Variants in NLRP12 observed in about 807,000 individuals in gnomAD.
NLRP12 encodes the protein NACHT, LRR and PYD domains-containing protein 12.
Under a neutral mutation model 91.2 loss-of-function variants are expected in NLRP12, and 108 were observed. That is an observed-to-expected ratio of 1.18 (90% CI 1.01 to 1.39). The LOEUF is 1.39. Among genes scored for constraint, NLRP12 ranks in the 40% most tolerant of loss-of-function variants. The pLI, the probability that NLRP12 is intolerant of heterozygous loss-of-function variation, is 0.00. For synonymous variants in NLRP12, 613 were observed against 566.7 expected, an observed-to-expected ratio of 1.08 and a Z score of -1.16; for missense variants, 1,530 against 1,352.7, an observed-to-expected ratio of 1.13 and a Z score of -2.06.
intron 5 of NLRP12, among the ~76,000 whole-genome samples, chr19:53,804,521 C>T (rs529281668): frequency 7.3e-5 from 11 of 150,398 alleles, no homozygotes; most frequent in African/African-American, 2.4e-4. Flanking sequence ...ACCTCAGTCT[C>T]GAGTAGCTGG....
At position 53,814,773 on chromosome 19, in the gene NLRP12, G is replaced by A. The variant is rs559156627; in HGVS notation, c.370+135C>T. 3.2e-5 allele frequency: 24 copies of A among 759,448 alleles called. No individual in the cohort carries two copies. The African/African-American group carries it at 3.6e-4, about 11-fold the overall frequency. The allele number at this position is 759,448 out of a possible 1,614,324, so 47.0% of individuals were successfully genotyped here. A position where few individuals can be genotyped will look rare whatever the true frequency, so the allele number is the denominator to read the frequency against. On this transcript the variant is annotated intron_variant, in intron 2 of 9. Coordinates refer to ENST00000324134, the MANE Select transcript of NLRP12 (RefSeq NM_144687.4). ...AAGGTTGATGAGTTGAAACACAGGA[G>A]GAAACTGCCCCTTTGATGGTGTCAT... is the stretch of plus-strand genomic sequence containing the variant.
intron 1 of NLRP12, among the ~76,000 whole-genome samples, chr19:53,818,949 G>A (rs769103389): frequency 2.7e-4 from 41 of 152,024 alleles, no homozygotes; most frequent in Non-Finnish European, 4.4e-4. Context: ...GAGGCCCAGG[G>A]GCATATCGAT....
intron 6 of NLRP12, 70 bp downstream of exon 6, chr19:53,803,882 C>A (rs2091912675): frequency 6.7e-7 from 1 of 1,499,536 alleles, no homozygotes; most frequent in Non-Finnish European, 9.3e-7. Context: ...CCTGTGGATG[C>A]ATTTTTATAC....
intron 4 of NLRP12, among the ~76,000 whole-genome samples, chr19:53,807,049 G>T (rs12972495): frequency 0.17 from 25,409 of 151,384 alleles, 3,000 homozygotes; most frequent in African/African-American, 0.34. Flanking sequence ...GATTTATGTG[G>T]TGAAGCCACC....
At chr19:53,795,105 TGCGTGTGTGTG>T (rs2091728285) in intron 9 of NLRP12, among the ~76,000 whole-genome samples, 2 of 65,928 alleles carry the variant, frequency 3.0e-5, no homozygotes, top group Admixed American at 2.6e-4. Context: ...ACCTGGTGTG[TGCGTGTGTGTG>T]TGTGTGTGTG....
intron 4 of NLRP12, among the ~76,000 whole-genome samples, chr19:53,806,681 A>C (rs1275731314): frequency 3.1e-4 from 1 of 3,182 alleles, no homozygotes; most frequent in Non-Finnish European, 9.0e-4. Context: ...CTCCGTCTCA[A>C]AAAAAAAAAA....
chr19:53,808,035 C>A lies in NLRP12; in HGVS notation c.2073-370G>T, dbSNP rs537218637. 2.3e-3 allele frequency: 833 copies of A among 356,326 alleles called. 14 individuals carry two copies. The highest frequency in any genetic ancestry group is 0.017 in the South Asian group (800 of 46,160). The allele number at this position is 356,326 out of a possible 1,614,324, so 22.1% of individuals were successfully genotyped here. On this transcript the variant is annotated intron_variant, in intron 3 of 9. Transcript: ENST00000324134. ...GAAGTGCTGGGATTACAGGCGTGAG[C>A]CACCACATCCGGCCAAAGCATGCTA... is the stretch of plus-strand genomic sequence containing the variant.
At chr19:53,815,559 T>C (rs2092145761) in intron 1 of NLRP12, among the ~76,000 whole-genome samples, 2 of 150,968 alleles carry the variant, frequency 1.3e-5, no homozygotes, top group African/African-American at 4.9e-5. Context: ...AAGTTCTGAG[T>C]CAGTCTGGAC....
rs139513302 is a variant in NLRP12, at chr19:53,811,116, C to T, written c.543G>A (p.Arg181=). The T allele has an allele frequency of 1.3e-5, 21 of 1,614,074 alleles. No individual in the cohort carries two copies. The South Asian group carries it at 2.3e-4, about 18-fold the overall frequency. Residue 181 remains arginine (R), a synonymous_variant, in exon 3 of 10, where the codon CGG becomes CGA. Transcript: ENST00000324134. ...GGTGTCCCACGGTCCTCGCGTGTCCCCGGCCTGTGTCCAGAAGCTGCTGCT... is the reference window on the plus strand; with the variant it reads ...GGTGTCCCACGGTCCTCGCGTGTCCTCGGCCTGTGTCCAGAAGCTGCTGCT... ...QVQQQLLDTG[R]GHARTVGHQA...
chr19:53,807,521 G>T lies in NLRP12; in HGVS notation c.2217C>A (p.His739Gln). 4 of 1,614,108 alleles carry T rather than the reference G, an allele frequency of 2.5e-6. No homozygotes were observed. Among genetic ancestry groups the T allele is most frequent in the Non-Finnish European group, 3.4e-6 (4 of 1,180,010 alleles). Reference sequence around the variant, plus strand: ...TCAGGTTCTGAAGTTTGCAGTTGGGGTGTCTGAGTCCTTGACAGAGCAGCT... The same window carrying T: ...TCAGGTTCTGAAGTTTGCAGTTGGGTTGTCTGAGTCCTTGACAGAGCAGCT... ...GVKLLCQGLR[H>Q]PNCKLQNLRL... The change falls in exon 4 of 10, where the codon CAC (histidine) becomes CAA (glutamine). Residue 739 changes from histidine (H) to glutamine (Q), a missense_variant. His to Gln is a conservative substitution (Grantham distance 24). Coordinates refer to ENST00000324134, the MANE Select transcript of NLRP12 (RefSeq NM_144687.4).
chr19:53,803,813 ATCTGCCCTC>A (rs1463732528), intron 6 of NLRP12, 130 bp downstream of exon 6: 3 of 789,294 alleles, frequency 3.8e-6, no homozygotes, highest in African/African-American at 3.4e-5. Flanking sequence ...ACCTCAGATG[ATCTGCCCTC>A]TTTGGCCTCC....
At chr19:53,799,614 C>T (rs2091833380) in intron 7 of NLRP12, among the ~76,000 whole-genome samples, 6 of 151,878 alleles carry the variant, frequency 4.0e-5, no homozygotes, top group Admixed American at 6.6e-5. Context: ...CTCCTGAGTA[C>T]CTGGATATCA....
intron 5 of NLRP12, among the ~76,000 whole-genome samples, chr19:53,805,029 C>T (rs968624293): frequency 6.6e-6 from 1 of 151,858 alleles, no homozygotes. Context: ...GACCCCGTCT[C>T]GGGAGAAAAA....
intron 6 of NLRP12, among the ~76,000 whole-genome samples, chr19:53,802,078 T>G (rs1398281923): frequency 6.6e-6 from 1 of 151,170 alleles, no homozygotes; most frequent in Non-Finnish European, 1.5e-5. Flanking sequence ...ATACAAAAAA[T>G]TAGCTGGGCG....
chr19:53,793,776 A>C lies in NLRP12; in HGVS notation c.*273T>G, dbSNP rs185044539. On this transcript the variant is annotated 3_prime_UTR_variant, in exon 10 of 10. Coordinates refer to ENST00000324134, the MANE Select transcript of NLRP12 (RefSeq NM_144687.4). Reference sequence around the variant, plus strand: ...ATTTTTTTTTATTTTTAGTAGAGACAGGGTTTCACCATCTTGGCCAGGCTA... The same window carrying C: ...ATTTTTTTTTATTTTTAGTAGAGACCGGGTTTCACCATCTTGGCCAGGCTA... The C allele has an allele frequency of 5.3e-5, 28 of 530,536 alleles. No homozygotes were observed. In the Admixed American group the frequency reaches 8.8e-4, roughly 17 times the overall value. 32.9% of individuals were successfully genotyped at this position (530,536 alleles called of 1,614,324 possible). A position where few individuals can be genotyped will look rare whatever the true frequency, so the allele number is the denominator to read the frequency against.
chr19:53,823,092 C>T (rs62143207), intron 1 of NLRP12, among the ~76,000 whole-genome samples: 139,941 of 149,600 alleles, frequency 0.94, 65,653 homozygotes, highest in Non-Finnish European at 0.97. Context: ...AATATATATA[C>T]ACACACACAT....
chr19:53,801,541 C>T, intron 6 of NLRP12, 144 bp from the exon 7 acceptor site: 2 of 1,157,454 alleles, frequency 1.7e-6, no homozygotes, highest in Non-Finnish European at 2.4e-6. Flanking sequence ...CATCCTCCAC[C>T]TCCCATGTTC....
chr19:53,822,769 T>C (rs184745069), intron 1 of NLRP12, among the ~76,000 whole-genome samples: 1 of 149,562 alleles, frequency 6.7e-6, no homozygotes, highest in East Asian at 2.0e-4. Context: ...ACCTCATCTC[T>C]TTCTTAATTT....
In NLRP12 at chr19:53,810,488, C is replaced by T. The variant is rs199512582; in HGVS notation, c.1171G>A (p.Val391Met). 9.9e-6 allele frequency: 16 copies of T among 1,614,092 alleles called. No homozygotes were observed. In the South Asian group the frequency reaches 1.2e-4, roughly 12 times the overall value. ...GTGAAGAGAGGCTCGTTGTCCCTCA[C>T]GTAATTGAAGACTTGGCCCGCCTGC... Reference protein sequence around the residue: ...AEQAGQVFNYVRDNEPLFTMC... With the variant: ...AEQAGQVFNYMRDNEPLFTMC... Residue 391 changes from valine (V) to methionine (M), a missense_variant, in exon 3 of 10, where the codon GTG becomes ATG. Transcript: ENST00000324134.
Sources: gnomAD v4.1 joint callset for allele counts (sites outside exome capture counted in the v4.1 genomes callset) on GRCh38, gnomAD v4.1.1 for gene constraint, MANE v1.5 for transcripts, NCBI Gene and HGNC (gene_info 2026-07-23, HGNC 2026-07-21) for gene names.